BTBD9: variants seen among roughly 807,000 people sequenced by gnomAD.
BTBD9 encodes the protein BTB/POZ domain-containing protein 9.
A neutral mutation model predicts 64.3 loss-of-function variants in BTBD9; 49 were observed. The ratio of observed to expected loss-of-function variants is 0.76; its 90% CI spans 0.61 to 0.97. The LOEUF is 0.97. BTBD9 is among the 50% of genes least tolerant of loss of function. BTBD9 has a pLI of 0.00. For missense variants in BTBD9, 598 were observed against 762.1 expected (o/e 0.78, Z 2.53); for synonymous variants, 260 against 274.7 (o/e 0.95, Z 0.53).
intron 6 of BTBD9, among the ~76,000 whole-genome samples, chr6:38,410,905 A>G (rs1319987056): frequency 6.6e-6 from 1 of 152,134 alleles, no homozygotes; most frequent in Non-Finnish European, 1.5e-5. Context: ...CATGTCATGA[A>G]TTCACATATT....
chr6:38,413,476 G>T (rs1343163828), intron 6 of BTBD9, among the ~76,000 whole-genome samples: 1 of 152,174 alleles, frequency 6.6e-6, no homozygotes, highest in African/African-American at 2.4e-5. Context: ...AAATGCCACT[G>T]TTTAGACCTC....
chr6:38,495,146 C>T (rs1257922729), intron 6 of BTBD9, among the ~76,000 whole-genome samples: 1 of 152,222 alleles, frequency 6.6e-6, no homozygotes, highest in African/African-American at 2.4e-5. Flanking sequence ...AGAACAATGG[C>T]TGTGGCCTTG....
intron 9 of BTBD9, among the ~76,000 whole-genome samples, chr6:38,237,238 A>G (rs975559866): frequency 6.6e-6 from 1 of 152,254 alleles, no homozygotes; most frequent in Non-Finnish European, 1.5e-5. Context: ...GTTGTTTTCA[A>G]ATCAGACTAC....
intron 6 of BTBD9, among the ~76,000 whole-genome samples, chr6:38,436,822 T>C (rs1460767692): frequency 6.6e-6 from 1 of 152,196 alleles, no homozygotes; most frequent in East Asian, 1.9e-4. Context: ...CTCTGACTCA[T>C]GGTTGTTGGC....
chr6:38,434,420 T>C (rs1280497524), intron 6 of BTBD9, among the ~76,000 whole-genome samples: 2 of 151,990 alleles, frequency 1.3e-5, no homozygotes, highest in African/African-American at 4.8e-5. Flanking sequence ...CCAGAAAATG[T>C]TTAAATGCAC....
intron 6 of BTBD9, among the ~76,000 whole-genome samples, chr6:38,413,509 A>G (rs1767529289): frequency 6.6e-6 from 1 of 152,218 alleles, no homozygotes; most frequent in Non-Finnish European, 1.5e-5. Context: ...CCTGTTTTAC[A>G]TCTTTTCTCA....
intron 9 of BTBD9, among the ~76,000 whole-genome samples, chr6:38,225,436 T>C (rs1482793634): frequency 1.3e-5 from 2 of 152,168 alleles, no homozygotes; most frequent in Admixed American, 6.5e-5. Context: ...TGGTAAGATA[T>C]AGGAGAGAAG....
Position 38,398,998 on chromosome 6 carries a change from A to T in BTBD9, c.1155-53905T>A, listed in dbSNP as rs563375640. On this transcript the variant is annotated intron_variant, in intron 6 of 10. Coordinates refer to ENST00000481247, the MANE Select transcript of BTBD9 (RefSeq NM_001099272.2). ...TTTTAGTAGGAAAAGGTTTGTTTTT[A>T]AAATAAATGGTGTTCAGGAATAGCT... Among the ~76,000 whole-genome samples the T allele has an allele frequency of 2.0e-5, 3 of 152,316 alleles. No individual in the cohort carries two copies. In the East Asian group the frequency reaches 5.8e-4, roughly 29 times the overall value.
chr6:38,346,647 T>C (rs572901524), intron 6 of BTBD9, among the ~76,000 whole-genome samples: 95 of 152,284 alleles, frequency 6.2e-4, no homozygotes, highest in African/African-American at 2.1e-3. Flanking sequence ...TCATTCAACA[T>C]AAGTTCTTAC....
intron 4 of BTBD9, chr6:38,587,817 A>G (rs1223369556): frequency 1.1e-5 from 8 of 716,146 alleles, no homozygotes; most frequent in Admixed American, 7.1e-5. Context: ...AGGTTATGGC[A>G]GCAAGTATGT....
intron 6 of BTBD9, among the ~76,000 whole-genome samples, chr6:38,443,300 TG>T (rs1264407603): frequency 6.6e-6 from 1 of 152,190 alleles, no homozygotes; most frequent in Non-Finnish European, 1.5e-5. Context: ...AGGCTGGTCT[TG>T]CTTCTAGGTG....
chr6:38,338,188 T>C (rs1173166042), intron 7 of BTBD9, among the ~76,000 whole-genome samples: 1 of 152,202 alleles, frequency 6.6e-6, no homozygotes, highest in Non-Finnish European at 1.5e-5. Context: ...ATATACACTA[T>C]GTTTTTCACT....
chr6:38,577,625 A>G lies in BTBD9; in HGVS notation c.1129T>C (p.Leu377=), dbSNP rs750372866. The G allele has an allele frequency of 1.2e-6, 2 of 1,609,528 alleles. No homozygotes were observed. Among genetic ancestry groups the G allele is most frequent in the African/African-American group, 2.7e-5 (2 of 74,846 alleles). The change falls in exon 6 of 11, where the codon TTA becomes CTA. Residue 377 remains leucine (L), a synonymous_variant. Transcript: ENST00000481247. ...CTGCAGACACGGGCTGGAAAATATA[A>G]TTTCTGCCAAGAACGACACAGATAT... The part of the protein sequence containing the change: ...SQYLCRSWQK[L]YFPARVCRYI...
intron 1 of BTBD9, among the ~76,000 whole-genome samples, chr6:38,608,104 A>G (rs1396967435): frequency 2.0e-5 from 3 of 152,140 alleles, no homozygotes; most frequent in African/African-American, 7.2e-5. Context: ...CATTCCCCTC[A>G]GTCTCTTACT....
At chr6:38,431,864 G>T (rs527293669) in intron 6 of BTBD9, among the ~76,000 whole-genome samples, 4 of 152,006 alleles carry the variant, frequency 2.6e-5, no homozygotes, top group African/African-American at 9.7e-5. Flanking sequence ...ATCTCATTTG[G>T]AATACAATTT....
chr6:38,244,169 G>A (rs1347044288), intron 9 of BTBD9, among the ~76,000 whole-genome samples: 5 of 152,212 alleles, frequency 3.3e-5, no homozygotes, highest in African/African-American at 7.2e-5. Flanking sequence ...TGTGGTGCCC[G>A]CTGCTCAGTT....
chr6:38,518,798 C>T (rs1773153163), intron 6 of BTBD9, among the ~76,000 whole-genome samples: 1 of 152,148 alleles, frequency 6.6e-6, no homozygotes, highest in Non-Finnish European at 1.5e-5. Context: ...GTTGGAGAGG[C>T]ATGTGAATGG....
At chr6:38,412,557 TAA>T (rs775919553) in intron 6 of BTBD9, among the ~76,000 whole-genome samples, 60 of 138,064 alleles carry the variant, frequency 4.3e-4, no homozygotes, top group South Asian at 1.9e-3. Context: ...TGGACTACAT[TAA>T]AAAAAAAAAA....
At chr6:38,460,151 C>T (rs1770009456) in intron 6 of BTBD9, among the ~76,000 whole-genome samples, 2 of 152,202 alleles carry the variant, frequency 1.3e-5, no homozygotes, top group African/African-American at 4.8e-5. Flanking sequence ...TCTGTTACAA[C>T]ACTAAACTTC....
Sources: allele counts gnomAD v4.1 joint callset (sites outside exome capture counted in the v4.1 genomes callset), GRCh38; gene constraint gnomAD v4.1.1; transcripts MANE v1.5; gene names NCBI Gene and HGNC (gene_info 2026-07-23, HGNC 2026-07-21).